Variants in NRG3 observed in about 807,000 individuals in gnomAD.
The protein encoded by NRG3 is pro-neuregulin-3, membrane-bound isoform.
A neutral mutation model predicts 66.9 loss-of-function variants in NRG3; 31 were observed. The ratio of observed to expected loss-of-function variants is 0.46; its 90% CI spans 0.35 to 0.63. NRG3 has a LOEUF of 0.63. NRG3 is among the 20% of genes least tolerant of loss of function. The pLI is 0.00. For missense variants in NRG3, 910 were observed against 878.9 expected (o/e 1.04, Z -0.45); for synonymous variants, 393 against 359.4 (o/e 1.09, Z -1.06).
At chr10:82,893,582 C>T (rs1427546592) in intron 4 of NRG3, among the ~76,000 whole-genome samples, 4 of 151,810 alleles carry the variant, frequency 2.6e-5, no homozygotes, top group Non-Finnish European at 4.4e-5. Context: ...CAGTTACTCT[C>T]GAGGCTGAGG....
intron 1 of NRG3, among the ~76,000 whole-genome samples, chr10:81,961,240 G>A (rs750060332): frequency 6.6e-6 from 1 of 152,082 alleles, no homozygotes; most frequent in Non-Finnish European, 1.5e-5. Context: ...TTTAAGTAGA[G>A]GGTAAAATTT....
At position 82,658,298 on chromosome 10, in the gene NRG3, CAT is replaced by C. The variant is rs377693855; in HGVS notation, c.954-80275_954-80274del. Among the ~76,000 whole-genome samples the C allele has an allele frequency of 2.2e-4, 34 of 152,122 alleles. No homozygotes were observed. In the South Asian group the frequency reaches 2.9e-3, roughly 13 times the overall value. ...AGTATATGTACTAACTATAATAAAA[CAT>C]ATAACCATCTCAAATGAGAAAACTT... On this transcript the variant is annotated intron_variant, in intron 2 of 8. Coordinates refer to ENST00000372141, the MANE Select transcript of NRG3 (RefSeq NM_001010848.4).
intron 1 of NRG3, among the ~76,000 whole-genome samples, chr10:82,052,711 G>A (rs1188132691): frequency 1.3e-5 from 2 of 152,140 alleles, no homozygotes; most frequent in Non-Finnish European, 2.9e-5. Context: ...GGTAAGTGGA[G>A]CTCATGATAA....
At chr10:82,056,617 A>G (rs1471803823) in intron 1 of NRG3, among the ~76,000 whole-genome samples, 1 of 152,208 alleles carries the variant, frequency 6.6e-6, no homozygotes, top group Non-Finnish European at 1.5e-5. Flanking sequence ...TCTTACAGCT[A>G]TGACATTCCA....
intron 2 of NRG3, among the ~76,000 whole-genome samples, chr10:82,710,586 C>CAAAAAA (rs59857324): frequency 3.7e-4 from 27 of 73,726 alleles, no homozygotes; most frequent in East Asian, 4.7e-4. Context: ...GACTCCATCT[C>CAAAAAA]AAAAAAAAAA....
chr10:82,486,385 T>C (rs1024824047), intron 2 of NRG3, among the ~76,000 whole-genome samples: 1 of 152,090 alleles, frequency 6.6e-6, no homozygotes, highest in African/African-American at 2.4e-5. Flanking sequence ...GGCAGGTGAA[T>C]GGACAAAGAA....
chr10:82,131,415 A>G (rs968076611), intron 1 of NRG3, among the ~76,000 whole-genome samples: 4 of 151,888 alleles, frequency 2.6e-5, no homozygotes, highest in African/African-American at 9.7e-5. Context: ...GTTTTTATGT[A>G]TCCATGCTGT....
At chr10:82,132,001 C>T (rs1213678569) in intron 1 of NRG3, among the ~76,000 whole-genome samples, 2 of 152,004 alleles carry the variant, frequency 1.3e-5, no homozygotes, top group Admixed American at 6.6e-5. Flanking sequence ...TTGATCTCTT[C>T]CTTTCCAAAT....
intron 4 of NRG3, among the ~76,000 whole-genome samples, chr10:82,865,643 A>G (rs1840640986): frequency 6.6e-6 from 1 of 152,162 alleles, no homozygotes; most frequent in Non-Finnish European, 1.5e-5. Flanking sequence ...ATTTAATGTT[A>G]AATGCAGTGT....
intron 1 of NRG3, chr10:81,889,108 G>A (rs1842831264): frequency 6.6e-6 from 1 of 152,078 alleles, no homozygotes. Flanking sequence ...CTAAAAATTT[G>A]CAAGTAGAGA....
At chr10:82,469,431 A>G (rs1024182522) in intron 2 of NRG3, among the ~76,000 whole-genome samples, 3 of 151,680 alleles carry the variant, frequency 2.0e-5, no homozygotes, top group African/African-American at 7.3e-5. Flanking sequence ...CTTAAAGGTG[A>G]GTGGCACTTC....
At position 82,173,706 on chromosome 10, in the gene NRG3, C is replaced by T. The variant is rs1205196456; in HGVS notation, c.824-185033C>T. Among the ~76,000 whole-genome samples the T allele has an allele frequency of 6.6e-5, 10 of 151,646 alleles. No individual in the cohort carries two copies. The East Asian group carries it at 1.4e-3, about 21-fold the overall frequency. Reference sequence around the variant, plus strand: ...ACACACACACACACACACACACACGCATGAAAAGAGAGACCCAGAGACAAG... The same window carrying T: ...ACACACACACACACACACACACACGTATGAAAAGAGAGACCCAGAGACAAG... On this transcript the variant is annotated intron_variant, in intron 1 of 8. Transcript: ENST00000372141.
At chr10:82,459,317 G>A (rs1794955519) in intron 2 of NRG3, among the ~76,000 whole-genome samples, 1 of 152,150 alleles carries the variant, frequency 6.6e-6, no homozygotes, top group Non-Finnish European at 1.5e-5. Flanking sequence ...AGTTGCACTG[G>A]TTTCTAATTG....
At chr10:82,203,321 G>A (rs183868612) in intron 1 of NRG3, among the ~76,000 whole-genome samples, 6 of 152,198 alleles carry the variant, frequency 3.9e-5, no homozygotes, top group African/African-American at 4.8e-5. Flanking sequence ...TACAAGTAGC[G>A]GATAAAGCAG....
At chr10:81,998,461 C>G (rs1310358282) in intron 1 of NRG3, among the ~76,000 whole-genome samples, 2 of 152,132 alleles carry the variant, frequency 1.3e-5, no homozygotes, top group African/African-American at 4.8e-5. Context: ...ATTCTCCACA[C>G]TGCTGTGTAG....
chr10:82,868,326 ATTGTCATGTAG>A (rs1168519788), intron 4 of NRG3, among the ~76,000 whole-genome samples: 1 of 152,182 alleles, frequency 6.6e-6, no homozygotes, highest in Non-Finnish European at 1.5e-5. Context: ...AAAATAGTAG[ATTGTCATGTAG>A]TTCATCTACA....
chr10:82,651,639 G>A (rs887020460), intron 2 of NRG3, among the ~76,000 whole-genome samples: 27 of 152,172 alleles, frequency 1.8e-4, no homozygotes, highest in African/African-American at 6.3e-4. Flanking sequence ...AGAGCCTTTG[G>A]CCCATAATTT....
intron 4 of NRG3, among the ~76,000 whole-genome samples, chr10:82,930,911 G>C (rs1417984486): frequency 1.3e-5 from 2 of 152,168 alleles, no homozygotes; most frequent in African/African-American, 4.8e-5. Flanking sequence ...TTATAGTTTG[G>C]TGGATGGATT....
chr10:82,823,775 G>A (rs1420501859), intron 3 of NRG3, among the ~76,000 whole-genome samples: 1 of 152,068 alleles, frequency 6.6e-6, no homozygotes, highest in South Asian at 2.1e-4. Flanking sequence ...GCTTGACTGA[G>A]GTCTCCGTTG....
Sources: gnomAD v4.1 joint callset for allele counts (sites outside exome capture counted in the v4.1 genomes callset) on GRCh38, gnomAD v4.1.1 for gene constraint, MANE v1.5 for transcripts, NCBI Gene and HGNC (gene_info 2026-07-23, HGNC 2026-07-21) for gene names.